The following ATR variants were observed in gnomAD, a reference collection of about 807,000 sequenced individuals.
The protein encoded by ATR is serine/threonine-protein kinase ATR.
In ATR, 142 loss-of-function variants were observed where a neutral mutation model predicts 305.3. The observed-to-expected ratio is 0.47, with a 90% confidence interval of 0.41 to 0.53. The LOEUF is 0.53. ATR is among the 20% of genes least tolerant of loss of function. The pLI is 0.00. For missense variants in ATR, 2,135 were observed against 3,133.1 expected, an observed-to-expected ratio of 0.68 and a Z score of 7.60; for synonymous variants, 1,050 against 1,068.1, an observed-to-expected ratio of 0.98 and a Z score of 0.33.
chr3:142,451,164 C>A lies in ATR; in HGVS notation c.7762-1562G>T. 5.8e-6 allele frequency: 7 copies of A among 1,210,976 alleles called. No homozygotes were observed. The South Asian group carries it at 9.7e-5, about 17-fold the overall frequency. The allele number at this position is 1,210,976 out of a possible 1,614,324, so 75.0% of individuals were successfully genotyped here. Reference sequence around the variant, plus strand: ...GAGAATTTCACATCCACTGAGGAATCTTCCAAAGAAAACTTCAACTTGTTG... The same window carrying A: ...GAGAATTTCACATCCACTGAGGAATATTCCAAAGAAAACTTCAACTTGTTG... On this transcript the variant is annotated intron_variant, in intron 46 of 46. Coordinates refer to ENST00000350721, the MANE Select transcript of ATR (RefSeq NM_001184.4).
chr3:142,457,763 A>G lies in ATR; in HGVS notation c.7504-8T>C. 6.2e-7 allele frequency: 1 copy of G among 1,612,950 alleles called. No individual in the cohort carries two copies. Among genetic ancestry groups the G allele is most frequent in the Non-Finnish European group, 8.5e-7 (1 of 1,179,010 alleles). On this transcript the variant is annotated splice_region_variant and splice_polypyrimidine_tract_variant and intron_variant, in intron 44 of 46. Transcript: ENST00000350721. Reference sequence around the variant, plus strand: ...AACTTCAAAGGTTTCTCCCTTAGAAACAATACATTTTATTACAAACTAACA... The same window carrying G: ...AACTTCAAAGGTTTCTCCCTTAGAAGCAATACATTTTATTACAAACTAACA...
intron 24 of ATR, among the ~76,000 whole-genome samples, chr3:142,518,472 G>A (rs1302871425): frequency 6.6e-6 from 1 of 152,160 alleles, no homozygotes; most frequent in East Asian, 1.9e-4. Context: ...AGCTGATACC[G>A]CATCACTGCA....
intron 36 of ATR, among the ~76,000 whole-genome samples, chr3:142,480,077 T>C (rs894082636): frequency 6.6e-6 from 1 of 152,238 alleles, no homozygotes; most frequent in Non-Finnish European, 1.5e-5. Context: ...GAAGCCTTCT[T>C]CTCTCAACTC....
intron 8 of ATR, among the ~76,000 whole-genome samples, chr3:142,556,987 C>A (rs897693497): frequency 2.6e-5 from 4 of 152,144 alleles, no homozygotes; most frequent in African/African-American, 9.7e-5. Flanking sequence ...AACAATACAG[C>A]AGAATAGAGG....
intron 23 of ATR, among the ~76,000 whole-genome samples, chr3:142,520,712 T>C (rs1482524890): frequency 1.3e-5 from 2 of 151,912 alleles, no homozygotes; most frequent in African/African-American, 4.8e-5. Context: ...GGGGCGCTTC[T>C]TAAAAAACAA....
chr3:142,495,911 C>A (rs918041987), intron 34 of ATR, among the ~76,000 whole-genome samples: 2 of 152,012 alleles, frequency 1.3e-5, no homozygotes, highest in African/African-American at 4.8e-5. Context: ...TAGATCAGAG[C>A]TGAATATTTA....
chr3:142,550,470 C>T (rs561966385), intron 13 of ATR, among the ~76,000 whole-genome samples, 168 bp from the exon 14 acceptor site: 1 of 152,258 alleles, frequency 6.6e-6, no homozygotes, highest in African/African-American at 2.4e-5. Context: ...CATAATCTGC[C>T]TTTCACAGAT....
At chr3:142,558,880 T>C in intron 7 of ATR, 104 bp from the exon 8 acceptor site, 1 of 1,199,700 alleles carries the variant, frequency 8.3e-7, no homozygotes, top group Non-Finnish European at 1.2e-6. Flanking sequence ...GATCATTGGA[T>C]AAGCAGAAAT....
intron 24 of ATR, among the ~76,000 whole-genome samples, chr3:142,516,818 CCTTT>C (rs2032881357): frequency 2.0e-5 from 3 of 151,930 alleles, no homozygotes; most frequent in Admixed American, 2.0e-4. Context: ...TCAACATGAC[CCTTT>C]CTATTTGTTC....
chr3:142,550,447 A>G, intron 13 of ATR, 145 bp from the exon 14 acceptor site: 1 of 845,236 alleles, frequency 1.2e-6, no homozygotes, highest in Non-Finnish European at 1.9e-6. Flanking sequence ...AACCTTAATG[A>G]GGTAGACTAT....
intron 6 of ATR, among the ~76,000 whole-genome samples, 179 bp downstream of exon 6, chr3:142,560,084 G>GATTAT (rs1406952749): frequency 3.3e-5 from 5 of 152,122 alleles, no homozygotes; most frequent in Non-Finnish European, 5.9e-5. Flanking sequence ...TATTAACTAA[G>GATTAT]ATATATACAG....
At chr3:142,568,000 T>C (rs2035129736) in intron 2 of ATR, 63 bp downstream of exon 2, 27 of 1,312,354 alleles carry the variant, frequency 2.1e-5, no homozygotes, top group Non-Finnish European at 2.8e-5. Flanking sequence ...GCTACTATAA[T>C]TTATACATGG....
intron 25 of ATR, among the ~76,000 whole-genome samples, chr3:142,514,473 A>C (rs2032761972): frequency 6.6e-6 from 1 of 151,678 alleles, no homozygotes; most frequent in South Asian, 2.1e-4. Context: ...CTACTAAAAA[A>C]ATACAAAAAA....
At chr3:142,564,766 T>TTTTTTTTTTG (rs2035009092) in intron 3 of ATR, among the ~76,000 whole-genome samples, 1 of 152,190 alleles carries the variant, frequency 6.6e-6, no homozygotes. Flanking sequence ...TTTTTTTTTT[T>TTTTTTTTTTG]CTTGAGACAG....
At chr3:142,531,761 G>A (rs1373112857) in intron 21 of ATR, among the ~76,000 whole-genome samples, 1 of 152,076 alleles carries the variant, frequency 6.6e-6, no homozygotes, top group African/African-American at 2.4e-5. Flanking sequence ...AATCCTTTGG[G>A]TATATACCCA....
chr3:142,568,733 GC>G (rs1349711903), intron 1 of ATR, among the ~76,000 whole-genome samples: 2 of 152,232 alleles, frequency 1.3e-5, no homozygotes, highest in Non-Finnish European at 2.9e-5. Context: ...TGCTCCCGCT[GC>G]CTGGCCTCTC....
At chr3:142,558,523 A>T (rs1577695179) in intron 8 of ATR, 101 bp downstream of exon 8, 1 of 730,450 alleles carries the variant, frequency 1.4e-6, no homozygotes, top group Non-Finnish European at 1.8e-6. Context: ...CTCCGTCTCA[A>T]AAATAAATAA....
At chr3:142,459,155 G>A (rs2070970350) in intron 43 of ATR, 44 bp from the exon 44 acceptor site, 4 of 1,612,554 alleles carry the variant, frequency 2.5e-6, no homozygotes, top group East Asian at 2.2e-5. Context: ...ATACATATGA[G>A]GCCAATATAA....
chr3:142,470,839 T>C (rs2071245510), intron 36 of ATR, among the ~76,000 whole-genome samples: 1 of 152,190 alleles, frequency 6.6e-6, no homozygotes, highest in South Asian at 2.1e-4. Flanking sequence ...CTGTTTCTGG[T>C]AAAATTTGTG....
Sources: gnomAD v4.1 joint callset for allele counts (sites outside exome capture counted in the v4.1 genomes callset) on GRCh38, gnomAD v4.1.1 for gene constraint, MANE v1.5 for transcripts, NCBI Gene and HGNC (gene_info 2026-07-23, HGNC 2026-07-21) for gene names.